The following LRBA variants were observed in gnomAD, a reference collection of about 807,000 sequenced individuals.
LRBA encodes LPS responsive beige-like anchor protein.
Under a neutral mutation model 330.0 loss-of-function variants are expected in LRBA, and 176 were observed. That is an observed-to-expected ratio of 0.53 (90% CI 0.47 to 0.60). The LOEUF (loss-of-function observed/expected upper bound fraction) is 0.60. Ranked by LOEUF, LRBA falls within the 20% of genes least tolerant of loss-of-function variation. The probability of loss-of-function intolerance (pLI) is 0.00; values close to 1 mark genes in which losing one functional copy is unlikely to be tolerated. For missense variants in LRBA, 3,259 were observed against 3,444.8 expected, an observed-to-expected ratio of 0.95 and a Z score of 1.35; for synonymous variants, 1,230 against 1,193.0, an observed-to-expected ratio of 1.03 and a Z score of -0.64.
chr4:150,584,046 C>G (rs769443445), intron 40 of LRBA: 1 of 1,605,124 alleles, frequency 6.2e-7, no homozygotes, highest in East Asian at 2.2e-5. Flanking sequence ...AGAGCGCTGC[C>G]AAGCAGACCT....
At chr4:150,380,402 A>ATT (rs1239537956) in intron 47 of LRBA, among the ~76,000 whole-genome samples, 2 of 152,120 alleles carry the variant, frequency 1.3e-5, no homozygotes, top group African/African-American at 4.8e-5. Context: ...AAAATATGCC[A>ATT]ACTAAGGCAA....
intron 35 of LRBA, among the ~76,000 whole-genome samples, chr4:150,756,954 G>T (rs1385457078): frequency 6.6e-6 from 1 of 152,090 alleles, no homozygotes; most frequent in African/African-American, 2.4e-5. Flanking sequence ...AATGATTCAA[G>T]ATATCATAAA....
intron 47 of LRBA, among the ~76,000 whole-genome samples, chr4:150,375,654 G>A (rs945925465): frequency 4.0e-5 from 6 of 149,944 alleles, no homozygotes; most frequent in African/African-American, 7.4e-5. Context: ...TAGTAGAGAC[G>A]GGATTTCACC....
At chr4:150,433,629 A>G in intron 46 of LRBA, among the ~76,000 whole-genome samples, 1 of 152,124 alleles carries the variant, frequency 6.6e-6, no homozygotes, top group Non-Finnish European at 1.5e-5. Context: ...ACCCACACAT[A>G]AGTCTTCAAT....
intron 37 of LRBA, among the ~76,000 whole-genome samples, chr4:150,652,600 T>C (rs78453863): frequency 0.061 from 9,334 of 152,262 alleles, 406 homozygotes; most frequent in Non-Finnish European, 0.091. Context: ...ACAGATAAAA[T>C]TAATTCTAAT....
At chr4:150,788,023 T>C (rs1028806264) in intron 34 of LRBA, among the ~76,000 whole-genome samples, 4 of 152,210 alleles carry the variant, frequency 2.6e-5, no homozygotes, top group African/African-American at 4.8e-5. Flanking sequence ...AAAACCATTC[T>C]ACATAGTGGT....
rs549301571 is a variant in LRBA at position 150,509,154 on chromosome 4, T to C, written c.6331-18119A>G. On this transcript the variant is annotated intron_variant, in intron 40 of 56. Transcript: ENST00000651943. ...AATGAATATATTAATTAGCCAGATTTTATCATTCCACAAAATATACATATT... is the reference window on the plus strand; with the variant it reads ...AATGAATATATTAATTAGCCAGATTCTATCATTCCACAAAATATACATATT... 5.9e-5 allele frequency among the ~76,000 whole-genome samples: 9 copies of C among 152,222 alleles called. No individual in the cohort carries two copies. In the East Asian group the frequency reaches 1.7e-3, roughly 29 times the overall value.
intron 5 of LRBA, among the ~76,000 whole-genome samples, chr4:150,918,109 T>A (rs148823936): frequency 6.6e-6 from 1 of 152,056 alleles, no homozygotes; most frequent in African/African-American, 2.4e-5. Flanking sequence ...GAAAAAAATA[T>A]ATACATTGGA....
Position 150,648,158 on chromosome 4 carries a change from CAAAAAAA to C in LRBA, c.5921+35386_5921+35392del. On this transcript the variant is annotated intron_variant, in intron 37 of 56. Transcript: ENST00000651943. ...TCAGAAGAGAAAGGAACACAAGTAG[CAAAAAAA>C]AAAAAAAAAAAACTAGAAAAGAGCG... Among the ~76,000 whole-genome samples the C allele has an allele frequency of 3.3e-4, 6 of 18,118 alleles. No individual in the cohort carries two copies. The South Asian group carries it at 6.9e-3, about 21-fold the overall frequency. The allele number at this position is 18,118 out of a possible 152,430, so 11.9% of individuals were successfully genotyped here.
intron 46 of LRBA, among the ~76,000 whole-genome samples, chr4:150,418,198 T>G (rs972367598): frequency 6.6e-6 from 1 of 152,150 alleles, no homozygotes; most frequent in South Asian, 2.1e-4. Flanking sequence ...TTTAATTTTT[T>G]GCAGTGACAG....
At chr4:150,627,730 T>A (rs1776994753) in intron 37 of LRBA, among the ~76,000 whole-genome samples, 2 of 152,052 alleles carry the variant, frequency 1.3e-5, no homozygotes, top group African/African-American at 4.8e-5. Context: ...TACATTCCTT[T>A]TACATTTCCA....
At chr4:150,976,336 C>A (rs763558161) in intron 2 of LRBA, among the ~76,000 whole-genome samples, 93 of 152,226 alleles carry the variant, frequency 6.1e-4, no homozygotes, top group Non-Finnish European at 1.1e-3. Flanking sequence ...AGCTGTCCCC[C>A]AAACAAATAC....
At chr4:150,634,015 T>A (rs1272315646) in intron 37 of LRBA, among the ~76,000 whole-genome samples, 1 of 152,124 alleles carries the variant, frequency 6.6e-6, no homozygotes, top group Non-Finnish European at 1.5e-5. Context: ...CTCGGATGGC[T>A]GAGCCAGGAA....
intron 40 of LRBA, among the ~76,000 whole-genome samples, chr4:150,578,580 C>T (rs1401326268): frequency 1.3e-5 from 2 of 152,262 alleles, no homozygotes; most frequent in South Asian, 2.1e-4. Context: ...TAAACATTCA[C>T]ATTGCTATAA....
chr4:150,814,093 C>T (rs565681378), intron 31 of LRBA, among the ~76,000 whole-genome samples: 14 of 152,008 alleles, frequency 9.2e-5, no homozygotes, highest in Admixed American at 4.6e-4. Context: ...AATGGTCATA[C>T]GGATACTTGA....
At chr4:150,746,160 T>C (rs962227827) in intron 35 of LRBA, among the ~76,000 whole-genome samples, 1 of 152,226 alleles carries the variant, frequency 6.6e-6, no homozygotes, top group Non-Finnish European at 1.5e-5. Flanking sequence ...TGTGCATATA[T>C]ACATATATAC....
At chr4:150,727,956 T>C (rs1268919797) in intron 36 of LRBA, among the ~76,000 whole-genome samples, 1 of 151,962 alleles carries the variant, frequency 6.6e-6, no homozygotes, top group Non-Finnish European at 1.5e-5. Context: ...TAAACAAAAT[T>C]GGCAACCTTT....
At chr4:150,493,518 A>G (rs1473615315) in intron 40 of LRBA, among the ~76,000 whole-genome samples, 10 of 152,208 alleles carry the variant, frequency 6.6e-5, no homozygotes, top group Non-Finnish European at 1.3e-4. Flanking sequence ...GGTTGAAAAT[A>G]GTTGAGAAAA....
At chr4:150,642,908 A>G (rs1274109092) in intron 37 of LRBA, among the ~76,000 whole-genome samples, 1 of 151,924 alleles carries the variant, frequency 6.6e-6, no homozygotes, top group Non-Finnish European at 1.5e-5. Flanking sequence ...ATTGGAATAG[A>G]AAAATGTAAT....
Sources: gnomAD v4.1 joint callset for allele counts (sites outside exome capture counted in the v4.1 genomes callset) on GRCh38, gnomAD v4.1.1 for gene constraint, MANE v1.5 for transcripts, NCBI Gene and HGNC (gene_info 2026-07-23, HGNC 2026-07-21) for gene names.